RBPMS: variants seen among roughly 807,000 people sequenced by gnomAD.
RBPMS encodes the protein RNA-binding protein with multiple splicing.
In RBPMS, 7 loss-of-function variants were observed where a neutral mutation model predicts 26.8. That is an observed-to-expected ratio of 0.26 (90% confidence interval 0.15 to 0.49). The LOEUF (loss-of-function observed/expected upper bound fraction) is 0.49, where lower values mean the gene tolerates loss of function less well. Ranked by LOEUF, RBPMS falls within the 20% of genes least tolerant of loss-of-function variation. The probability of loss-of-function intolerance (pLI) is 0.98; values close to 1 mark genes in which losing one functional copy is unlikely to be tolerated. For missense variants in RBPMS, 186 were observed against 250.0 expected (o/e 0.74, Z 1.73); for synonymous variants, 96 against 93.3 (o/e 1.03, Z -0.17).
At chr8:30,486,345 A>AATAC (rs1327037500) in intron 4 of RBPMS, among the ~76,000 whole-genome samples, 1 of 139,306 alleles carries the variant, frequency 7.2e-6, no homozygotes, top group Non-Finnish European at 1.6e-5. Context: ...ATCTCAAATA[A>AATAC]ATAAATAAAT....
rs563670281 is a variant in RBPMS at position 30,469,353 on chromosome 8, G to A, written c.67-5426G>A. Among the ~76,000 whole-genome samples, 6 of 152,310 alleles carry A rather than the reference G, an allele frequency of 3.9e-5. No individual in the cohort carries two copies. In the East Asian group the frequency reaches 1.2e-3, roughly 29 times the overall value. On this transcript the variant is annotated intron_variant, in intron 1 of 8. Transcript: ENST00000397323. ...AAAATGTGTCTTGCCTTTCCTAGTG[G>A]GAGCTGGCAATGCCATTTAAGAACA...
At chr8:30,532,367 A>C (rs1585788494) in intron 5 of RBPMS, among the ~76,000 whole-genome samples, 1 of 152,328 alleles carries the variant, frequency 6.6e-6, no homozygotes. Context: ...TTATACCCCC[A>C]GATTGTATTC....
At chr8:30,422,311 C>T (rs751206650) in intron 1 of RBPMS, among the ~76,000 whole-genome samples, 20 of 151,768 alleles carry the variant, frequency 1.3e-4, no homozygotes, top group Non-Finnish European at 1.9e-4. Context: ...GATAGGGTTT[C>T]GCCAGTTGGC....
chr8:30,425,184 T>C (rs1811218054), intron 1 of RBPMS, among the ~76,000 whole-genome samples: 1 of 151,670 alleles, frequency 6.6e-6, no homozygotes, highest in East Asian at 2.0e-4. Context: ...CTCAAACTCC[T>C]AGACTAAAGT....
At chr8:30,425,372 A>T (rs981252460) in intron 1 of RBPMS, among the ~76,000 whole-genome samples, 2 of 151,740 alleles carry the variant, frequency 1.3e-5, no homozygotes, top group Admixed American at 1.3e-4. Flanking sequence ...TATGTATTTT[A>T]TATGTGTATA....
intron 4 of RBPMS, among the ~76,000 whole-genome samples, chr8:30,495,756 A>G (rs1819874137): frequency 6.6e-6 from 1 of 152,238 alleles, no homozygotes; most frequent in Admixed American, 6.5e-5. Context: ...TACGGTTTAC[A>G]TCTGACGGAT....
At chr8:30,409,177 A>G (rs1161869549) in intron 1 of RBPMS, among the ~76,000 whole-genome samples, 1 of 150,196 alleles carries the variant, frequency 6.7e-6, no homozygotes, top group Non-Finnish European at 1.5e-5. Context: ...CTCAATGTCT[A>G]GTGCCTAGAG....
At chr8:30,410,289 C>G (rs897705553) in intron 1 of RBPMS, among the ~76,000 whole-genome samples, 4 of 152,134 alleles carry the variant, frequency 2.6e-5, no homozygotes, top group African/African-American at 4.8e-5. Context: ...TCCCTGCAAC[C>G]TCAGCCTCTC....
intron 7 of RBPMS, among the ~76,000 whole-genome samples, chr8:30,560,636 G>C (rs1411834916): frequency 6.6e-6 from 1 of 152,146 alleles, no homozygotes; most frequent in East Asian, 1.9e-4. Context: ...GGCAATCGCA[G>C]GTGAAGTACA....
chr8:30,546,579 G>T (rs968275475), intron 6 of RBPMS, among the ~76,000 whole-genome samples: 6 of 152,196 alleles, frequency 3.9e-5, no homozygotes, highest in Admixed American at 3.3e-4. Context: ...GCCCATGGTG[G>T]CACCCTCCCC....
At chr8:30,452,573 G>A (rs898045008) in intron 1 of RBPMS, among the ~76,000 whole-genome samples, 2 of 152,154 alleles carry the variant, frequency 1.3e-5, no homozygotes, top group African/African-American at 4.8e-5. Context: ...GAGTGCATAG[G>A]GAGGATCCGT....
chr8:30,424,352 C>T (rs1386606046), intron 1 of RBPMS, among the ~76,000 whole-genome samples: 1 of 152,084 alleles, frequency 6.6e-6, no homozygotes, highest in Non-Finnish European at 1.5e-5. Flanking sequence ...TAGATCATGC[C>T]TCAATAGAAT....
At chr8:30,422,100 A>T (rs906105632) in intron 1 of RBPMS, among the ~76,000 whole-genome samples, 4 of 151,182 alleles carry the variant, frequency 2.6e-5, no homozygotes, top group Non-Finnish European at 4.4e-5. Flanking sequence ...TCTTTTTCTT[A>T]TTTTTTTATT....
At chr8:30,566,956 C>T (rs367607949) in intron 8 of RBPMS, among the ~76,000 whole-genome samples, 3 of 152,076 alleles carry the variant, frequency 2.0e-5, no homozygotes, top group African/African-American at 7.2e-5. Flanking sequence ...TCTTTTCAGT[C>T]GGTATCACCT....
intron 5 of RBPMS, among the ~76,000 whole-genome samples, chr8:30,518,915 T>G (rs1822685029): frequency 6.6e-6 from 1 of 151,608 alleles, no homozygotes; most frequent in Non-Finnish European, 1.5e-5. Flanking sequence ...GTTTTTCAGG[T>G]GATATTGCTA....
At chr8:30,409,780 A>C (rs886452605) in intron 1 of RBPMS, among the ~76,000 whole-genome samples, 6 of 151,962 alleles carry the variant, frequency 3.9e-5, no homozygotes, top group African/African-American at 1.2e-4. Flanking sequence ...TTATAGGCAA[A>C]CACCATCATG....
At chr8:30,449,568 G>A (rs1279897037) in intron 1 of RBPMS, among the ~76,000 whole-genome samples, 1 of 151,988 alleles carries the variant, frequency 6.6e-6, no homozygotes, top group African/African-American at 2.4e-5. Flanking sequence ...ACAGGCTTTC[G>A]CCATGTTGGC....
At chr8:30,447,280 C>T (rs996645084) in intron 1 of RBPMS, among the ~76,000 whole-genome samples, 31 of 152,090 alleles carry the variant, frequency 2.0e-4, no homozygotes, top group Non-Finnish European at 3.7e-4. Flanking sequence ...CTTCTGGGCC[C>T]AAGCATTTCA....
intron 1 of RBPMS, chr8:30,385,375 C>G (rs951376347): frequency 2.0e-4 from 80 of 401,208 alleles, no homozygotes; most frequent in African/African-American, 4.2e-5. Flanking sequence ...ACTCCAAGGA[C>G]TTTTCGGAGA....
Sources: allele counts gnomAD v4.1 joint callset (sites outside exome capture counted in the v4.1 genomes callset), GRCh38; gene constraint gnomAD v4.1.1; transcripts MANE v1.5; gene names NCBI Gene and HGNC (gene_info 2026-07-23, HGNC 2026-07-21).